The following PARP8 variants were observed in gnomAD, a reference collection of about 807,000 sequenced individuals.
The protein encoded by PARP8 is poly(ADP-ribose) polymerase family member 8.
Under a neutral mutation model 124.1 loss-of-function variants are expected in PARP8, and 51 were observed. The observed-to-expected ratio is 0.41, with a 90% CI of 0.33 to 0.52. The LOEUF (loss-of-function observed/expected upper bound fraction) is 0.52, where lower values mean the gene tolerates loss of function less well. Among genes scored for constraint, PARP8 ranks in the 20% least tolerant of loss-of-function variants. The probability of loss-of-function intolerance (pLI) is 0.21; values close to 1 mark genes in which losing one functional copy is unlikely to be tolerated. For missense variants in PARP8, 860 were observed against 1,018.9 expected, an observed-to-expected ratio of 0.84 and a Z score of 2.12; for synonymous variants, 391 against 361.5, an observed-to-expected ratio of 1.08 and a Z score of -0.93.
chr5:50,830,083 T>C, intron 22 of PARP8, 122 bp downstream of exon 22: 3 of 1,185,398 alleles, frequency 2.5e-6, no homozygotes, highest in Non-Finnish European at 3.2e-6. Context: ...ATTTGTTTGC[T>C]AAATGTCAAA....
intron 14 of PARP8, among the ~76,000 whole-genome samples, chr5:50,810,546 G>A (rs1342331880): frequency 2.6e-5 from 4 of 152,008 alleles, no homozygotes; most frequent in Non-Finnish European, 5.9e-5. Context: ...CTACTTGTGT[G>A]TCTTTAAGGG....
At chr5:50,707,665 A>G (rs1362760795) in intron 2 of PARP8, among the ~76,000 whole-genome samples, 1 of 135,340 alleles carries the variant, frequency 7.4e-6, no homozygotes, top group Non-Finnish European at 1.6e-5. Context: ...GAGAGAGAGA[A>G]AATGCCAGTA....
At chr5:50,762,020 A>C (rs1483649552) in intron 6 of PARP8, 122 bp downstream of exon 6, 2 of 487,050 alleles carry the variant, frequency 4.1e-6, no homozygotes, top group Non-Finnish European at 7.4e-6. Flanking sequence ...GTAACTAACT[A>C]GAAAATCTAT....
At chr5:50,794,444 C>A in intron 11 of PARP8, 112 bp downstream of exon 11, 2 of 1,267,978 alleles carry the variant, frequency 1.6e-6, no homozygotes, top group Non-Finnish European at 2.1e-6. Flanking sequence ...TCTTTATAAC[C>A]TCTAAGAAAA....
chr5:50,749,814 A>T (rs977862248), intron 2 of PARP8, among the ~76,000 whole-genome samples: 10 of 152,128 alleles, frequency 6.6e-5, no homozygotes, highest in Non-Finnish European at 1.5e-4. Context: ...GATTTGATGA[A>T]ATCTGAGCAA....
chr5:50,795,508 G>A (rs777737135), intron 12 of PARP8, 91 bp downstream of exon 12: 198 of 1,059,214 alleles, frequency 1.9e-4, no homozygotes, highest in Non-Finnish European at 2.5e-4. Context: ...GAGAAAAGAA[G>A]CAAAACTTTG....
chr5:50,708,746 G>A (rs2149485785), intron 2 of PARP8, among the ~76,000 whole-genome samples: 1 of 151,780 alleles, frequency 6.6e-6, no homozygotes, highest in East Asian at 1.9e-4. Flanking sequence ...GCCCTTCACT[G>A]TGGAGACTCC....
Position 50,826,736 on chromosome 5 carries a change from T to C in PARP8, c.1929-19T>C, listed in dbSNP as rs368488915. The C allele has an allele frequency of 1.2e-5, 19 of 1,577,304 alleles. No individual in the cohort carries two copies. In the African/African-American group the frequency reaches 1.4e-4, roughly 12 times the overall value. ...ATATTTGGCATGTATTTGTGACTAA[T>C]GGATCATTTTAATTTCAGGGTTATA... On this transcript the variant is annotated intron_variant, in intron 18 of 25. Coordinates refer to ENST00000281631, the MANE Select transcript of PARP8 (RefSeq NM_024615.4).
At chr5:50,742,083 T>C (rs1240481200) in intron 2 of PARP8, 1 of 246,600 alleles carries the variant, frequency 4.1e-6, no homozygotes, top group East Asian at 1.4e-4. Context: ...GTACCGGGAT[T>C]ACAGGCGTGA....
In PARP8 at chr5:50,841,443, G is replaced by T. The variant is rs1282443409; in HGVS notation, c.2463-523G>T. Among the ~76,000 whole-genome samples the T allele has an allele frequency of 3.3e-5, 5 of 151,756 alleles. No homozygotes were observed. The South Asian group carries it at 6.2e-4, about 19-fold the overall frequency. ...CCAGAATAAATAAGAATATGTTACA[G>T]TCAGACTAAATAGTGCGACCAGTGA... is the stretch of plus-strand genomic sequence containing the variant. On this transcript the variant is annotated intron_variant, in intron 25 of 25. Transcript: ENST00000281631.
intron 2 of PARP8, among the ~76,000 whole-genome samples, chr5:50,683,388 T>C (rs868505149): frequency 2.0e-5 from 3 of 152,182 alleles, no homozygotes; most frequent in African/African-American, 2.4e-5. Context: ...TCATTCCTTA[T>C]TCATTCATTT....
intron 3 of PARP8, among the ~76,000 whole-genome samples, chr5:50,754,150 T>TATATATATATACAC (rs1312947286): frequency 1.6e-4 from 6 of 37,220 alleles, no homozygotes; most frequent in African/African-American, 7.3e-4. Flanking sequence ...TATATATATA[T>TATATATATATACAC]ACACACACAC....
chr5:50,836,569 C>T (rs902137166), intron 25 of PARP8, among the ~76,000 whole-genome samples: 3 of 151,880 alleles, frequency 2.0e-5, no homozygotes, highest in African/African-American at 7.3e-5. Context: ...AACTAGAGAA[C>T]AATGAAGCTT....
At chr5:50,667,210 C>A in intron 1 of PARP8, 24 bp downstream of exon 1, 2 of 1,595,694 alleles carry the variant, frequency 1.3e-6, no homozygotes, top group Non-Finnish European at 1.7e-6. Context: ...TTTCCAGAAC[C>A]TCGGACCCAG....
At chr5:50,743,589 G>T (rs1327136988) in intron 2 of PARP8, among the ~76,000 whole-genome samples, 1 of 152,058 alleles carries the variant, frequency 6.6e-6, no homozygotes, top group African/African-American at 2.4e-5. Context: ...GTCTGGGGGT[G>T]AGATGTGGTC....
intron 2 of PARP8, among the ~76,000 whole-genome samples, chr5:50,699,682 C>G (rs1328472766): frequency 6.6e-6 from 1 of 152,112 alleles, no homozygotes; most frequent in East Asian, 1.9e-4. Context: ...AAATCTTAGG[C>G]TTGAATGTGA....
At chr5:50,721,458 C>CA (rs1755872117) in intron 2 of PARP8, among the ~76,000 whole-genome samples, 1 of 152,120 alleles carries the variant, frequency 6.6e-6, no homozygotes, top group African/African-American at 2.4e-5. Flanking sequence ...TAATTTATCT[C>CA]AGAGTTCAGA....
chr5:50,675,764 G>A (rs1279286428), intron 2 of PARP8, among the ~76,000 whole-genome samples: 3 of 151,936 alleles, frequency 2.0e-5, no homozygotes, highest in African/African-American at 7.3e-5. Context: ...AAGGAATAAA[G>A]TACAGACAAA....
intron 17 of PARP8, among the ~76,000 whole-genome samples, chr5:50,823,872 C>A (rs1746047255): frequency 6.6e-6 from 1 of 152,180 alleles, no homozygotes; most frequent in African/African-American, 2.4e-5. Context: ...TGACCTGTGA[C>A]CTTGGGCAAG....
Sources: gnomAD v4.1 joint callset for allele counts (sites outside exome capture counted in the v4.1 genomes callset) on GRCh38, gnomAD v4.1.1 for gene constraint, MANE v1.5 for transcripts, NCBI Gene and HGNC (gene_info 2026-07-23, HGNC 2026-07-21) for gene names.